Variants in EFCAB6 observed in about 807,000 individuals in gnomAD.
EFCAB6 encodes EF-hand calcium-binding domain-containing protein 6.
In EFCAB6, 156 loss-of-function variants were observed where a neutral mutation model predicts 169.8. The ratio of observed to expected loss-of-function variants is 0.92; its 90% CI spans 0.81 to 1.05. The LOEUF (loss-of-function observed/expected upper bound fraction) is 1.05. Among genes scored for constraint, EFCAB6 ranks in the 50% least tolerant of loss-of-function variants. The pLI, the probability that EFCAB6 is intolerant of heterozygous loss-of-function variation, is 0.00. For synonymous variants in EFCAB6, 698 were observed against 676.4 expected, an observed-to-expected ratio of 1.03 and a Z score of -0.50; for missense variants, 1,800 against 1,829.1, an observed-to-expected ratio of 0.98 and a Z score of 0.29.
rs146629974 is a variant in EFCAB6, at chr22:43,735,923, C to G, written c.578G>C (p.Arg193Pro). 1 of 1,614,134 alleles carries G rather than the reference C, an allele frequency of 6.2e-7. No homozygotes were observed. Among genetic ancestry groups the G allele is most frequent in the Non-Finnish European group, 8.5e-7 (1 of 1,180,030 alleles). The change falls in exon 7 of 32, where the codon CGA (arginine) becomes CCA (proline). Residue 193 changes from arginine (R) to proline (P), a missense_variant. Coordinates refer to ENST00000262726, the MANE Select transcript of EFCAB6 (RefSeq NM_022785.4). ...LIDVNKTGLVRPQELRRVLET... is the reference protein window; with the variant it reads ...LIDVNKTGLVPPQELRRVLET... ...CAGAACCCTTCTTAGCTCCTGCGGT[C>G]GAACCAGTCCAGTCTTGTTAACATC... is the stretch of plus-strand genomic sequence containing the variant.
intron 20 of EFCAB6, among the ~76,000 whole-genome samples, chr22:43,618,620 C>T (rs2053908618): frequency 6.6e-6 from 1 of 152,114 alleles, no homozygotes; most frequent in Non-Finnish European, 1.5e-5. Flanking sequence ...AAGAGCAGTC[C>T]TAATTCTGGA....
rs1443301998 is a variant in EFCAB6, at chr22:43,540,325, A to G, written c.3681T>C (p.Asn1227=). ...FDRLWNEMPV[N]AKGRLKYPDF... ...CCGGGTATTTCAGCCTCCCCTTGGC[A>G]TTGACTGGCATCTCGTTCCAGAGTC... is the stretch of plus-strand genomic sequence containing the variant. The change falls in exon 28 of 32, where the codon AAT becomes AAC. Residue 1227 remains asparagine (N), a synonymous_variant. Transcript: ENST00000262726. 1.2e-6 allele frequency: 2 copies of G among 1,614,026 alleles called. No homozygotes were observed. The highest frequency in any genetic ancestry group is 1.3e-5 in the African/African-American group (1 of 74,916).
intron 26 of EFCAB6, among the ~76,000 whole-genome samples, chr22:43,575,866 CAT>C (rs1158504090): frequency 2.6e-5 from 4 of 152,116 alleles, no homozygotes; most frequent in Admixed American, 6.5e-5. Context: ...CATGATTACA[CAT>C]GTTAATATAT....
chr22:43,712,706 C>T (rs557794188), intron 9 of EFCAB6, among the ~76,000 whole-genome samples: 2 of 152,210 alleles, frequency 1.3e-5, no homozygotes, highest in Non-Finnish European at 2.9e-5. Context: ...GAGGCAAGAG[C>T]CTGGTGTGTA....
intron 3 of EFCAB6, among the ~76,000 whole-genome samples, chr22:43,774,092 C>A (rs2061562725): frequency 6.6e-6 from 1 of 152,114 alleles, no homozygotes; most frequent in Admixed American, 6.5e-5. Flanking sequence ...ATTGCCTCAT[C>A]CTTTATAATA....
At chr22:43,765,274 A>G in intron 5 of EFCAB6, 31 bp downstream of exon 5, 1 of 1,555,538 alleles carries the variant, frequency 6.4e-7, no homozygotes. Context: ...TTCAAATTTC[A>G]CATTTTCACA....
chr22:43,811,243 C>G (rs1243876546), intron 1 of EFCAB6, among the ~76,000 whole-genome samples: 1 of 149,110 alleles, frequency 6.7e-6, no homozygotes, highest in Non-Finnish European at 1.5e-5. Flanking sequence ...TCGCTGCACT[C>G]CAGCCTGGGT....
At chr22:43,589,252 A>G (rs1312063839) in intron 24 of EFCAB6, among the ~76,000 whole-genome samples, 2 of 109,436 alleles carry the variant, frequency 1.8e-5, no homozygotes, top group Admixed American at 2.4e-4. Flanking sequence ...CCGTGTTACC[A>G]TCTGGGTAAC....
intron 27 of EFCAB6, among the ~76,000 whole-genome samples, chr22:43,550,883 A>C (rs2048342707): frequency 6.6e-6 from 1 of 152,004 alleles, no homozygotes; most frequent in African/African-American, 2.4e-5. Context: ...ACAAAGACCC[A>C]TCCATTTCCA....
At chr22:43,775,546 A>C (rs1396978726) in intron 3 of EFCAB6, among the ~76,000 whole-genome samples, 1 of 152,138 alleles carries the variant, frequency 6.6e-6, no homozygotes, top group Non-Finnish European at 1.5e-5. Context: ...GGGTCCAGGC[A>C]ATTCTCCTGC....
rs542718301 is a variant in EFCAB6, at chr22:43,561,768, A to C, written c.3421-6672T>G. ...CCCTGGCACTTCTCACGTGATCATT[A>C]TATCTGAATGGGGGAAAAAATAATG... On this transcript the variant is annotated intron_variant, in intron 26 of 31. Coordinates refer to ENST00000262726, the MANE Select transcript of EFCAB6 (RefSeq NM_022785.4). Among the ~76,000 whole-genome samples the C allele has an allele frequency of 1.2e-3, 188 of 152,334 alleles. 1 individual carries two copies. Among genetic ancestry groups the C allele is most frequent in the African/African-American group, 4.2e-3 (174 of 41,572 alleles).
intron 26 of EFCAB6, chr22:43,570,183 T>C (rs1454111700): frequency 6.6e-6 from 1 of 152,180 alleles, no homozygotes; most frequent in Non-Finnish European, 1.5e-5. Flanking sequence ...TTAGAGATTG[T>C]ATATTTCCAC....
intron 8 of EFCAB6, among the ~76,000 whole-genome samples, chr22:43,721,384 T>C (rs2059519779): frequency 6.6e-6 from 1 of 152,070 alleles, no homozygotes; most frequent in Non-Finnish European, 1.5e-5. Context: ...TATCCTAAAA[T>C]TCATATGGAA....
At chr22:43,598,310 GGAAAAAAAAAAAAA>G (rs2052193873) in intron 23 of EFCAB6, among the ~76,000 whole-genome samples, 1 of 57,660 alleles carries the variant, frequency 1.7e-5, no homozygotes, top group Non-Finnish European at 3.4e-5. Flanking sequence ...ACTGTCTCCG[GGAAAAAAAAAAAAA>G]AAAAAAAAAA....
intron 23 of EFCAB6, among the ~76,000 whole-genome samples, chr22:43,597,474 G>T (rs779820814): frequency 1.3e-5 from 2 of 152,148 alleles, no homozygotes; most frequent in Non-Finnish European, 2.9e-5. Flanking sequence ...CATATAAAGT[G>T]GCCAAGAGGT....
intron 8 of EFCAB6, among the ~76,000 whole-genome samples, chr22:43,722,553 CA>C (rs1252287998): frequency 6.9e-6 from 1 of 144,806 alleles, no homozygotes; most frequent in African/African-American, 2.5e-5. Flanking sequence ...AGTCAAAAAA[CA>C]ACAGATGCTG....
chr22:43,670,908 G>C (rs1255770488), intron 15 of EFCAB6, among the ~76,000 whole-genome samples: 2 of 152,232 alleles, frequency 1.3e-5, no homozygotes, highest in East Asian at 3.8e-4. Context: ...CACTGGCTGA[G>C]ACCTCACCAT....
chr22:43,717,007 T>C (rs1444193001), intron 8 of EFCAB6, 35 bp from the exon 9 acceptor site: 1 of 1,439,568 alleles, frequency 6.9e-7, no homozygotes, highest in Non-Finnish European at 9.1e-7. Flanking sequence ...TTATCAACAT[T>C]GTCAAAGGTT....
At chr22:43,706,898 A>G (rs750818891) in intron 10 of EFCAB6, among the ~76,000 whole-genome samples, 2 of 152,254 alleles carry the variant, frequency 1.3e-5, no homozygotes, top group South Asian at 2.1e-4. Context: ...GAATAAGTAA[A>G]TAAGTAAAAA....
Sources: allele counts gnomAD v4.1 joint callset (sites outside exome capture counted in the v4.1 genomes callset), GRCh38; gene constraint gnomAD v4.1.1; transcripts MANE v1.5; gene names NCBI Gene and HGNC (gene_info 2026-07-23, HGNC 2026-07-21).